Variants in LRP6 observed in about 807,000 individuals in gnomAD.
LRP6 encodes LDL receptor related protein 6.
LRP6 carries 43 observed loss-of-function variants against 184.1 expected under a neutral mutation model. The ratio of observed to expected loss-of-function variants is 0.23; its 90% CI spans 0.18 to 0.30. LRP6 has a LOEUF of 0.30. Ranked by LOEUF, LRP6 falls within the 10% of genes least tolerant of loss-of-function variation. LRP6 has a pLI of 1.00. For missense variants in LRP6, 1,571 were observed against 2,005.3 expected (o/e 0.78, Z 4.14); for synonymous variants, 719 against 684.9 (o/e 1.05, Z -0.78).
intron 7 of LRP6, among the ~76,000 whole-genome samples, chr12:12,171,358 C>T (rs550711951): frequency 2.9e-4 from 44 of 151,936 alleles, no homozygotes; most frequent in East Asian, 1.6e-3. Context: ...CTACTAAAAA[C>T]ACACACACAA....
At chr12:12,239,996 A>G (rs1865021264) in intron 2 of LRP6, among the ~76,000 whole-genome samples, 1 of 140,810 alleles carries the variant, frequency 7.1e-6, no homozygotes, top group Non-Finnish European at 1.5e-5. Flanking sequence ...TAAGATATTA[A>G]AAAAAAAAAA....
rs1044709994 is a variant in LRP6 at position 12,266,964 on chromosome 12, C to G, written c.-229G>C. 1 of 544,204 alleles carries G rather than the reference C, an allele frequency of 1.8e-6. No individual in the cohort carries two copies. Among genetic ancestry groups the G allele is most frequent in the Non-Finnish European group, 3.2e-6 (1 of 312,386 alleles). The allele number at this position is 544,204 out of a possible 1,614,324, so 33.7% of individuals were successfully genotyped here. ...GCGACGCCAGCGTCTGCTTCCATCC[C>G]GCCGCCTCCTCCCCCGGCGCCCCGC... On this transcript the variant is annotated 5_prime_UTR_variant, in exon 1 of 23. Transcript: ENST00000261349.
At chr12:12,138,724 T>C (rs564463464) in intron 15 of LRP6, 190 bp from the exon 16 acceptor site, 3 of 1,400,526 alleles carry the variant, frequency 2.1e-6, no homozygotes, top group East Asian at 2.5e-5. Flanking sequence ...GATATTAATA[T>C]GCAATCAAGA....
chr12:12,177,443 G>C (rs1863219088), intron 7 of LRP6, among the ~76,000 whole-genome samples: 1 of 152,122 alleles, frequency 6.6e-6, no homozygotes. Context: ...ATCAAATCAA[G>C]GGAGATGAAA....
At chr12:12,162,752 T>G (rs906411736) in intron 9 of LRP6, among the ~76,000 whole-genome samples, 38 of 152,184 alleles carry the variant, frequency 2.5e-4, no homozygotes, top group Non-Finnish European at 3.4e-4. Flanking sequence ...CAGATCTTAA[T>G]TAGTGGTCAA....
chr12:12,180,195 C>T (rs990287914), intron 6 of LRP6, among the ~76,000 whole-genome samples: 3 of 148,634 alleles, frequency 2.0e-5, no homozygotes, highest in Admixed American at 2.0e-4. Context: ...TGTTCTAGAG[C>T]CAATCCTGAA....
chr12:12,154,645 G>C (rs1442500716), intron 12 of LRP6, among the ~76,000 whole-genome samples: 1 of 152,142 alleles, frequency 6.6e-6, no homozygotes, highest in Non-Finnish European at 1.5e-5. Flanking sequence ...TGGGAGGACT[G>C]CTTGAGCCCA....
chr12:12,179,364 ATAT>A (rs1863278276), intron 7 of LRP6, among the ~76,000 whole-genome samples: 2 of 7,820 alleles, frequency 2.6e-4, no homozygotes, highest in African/African-American at 4.2e-4. Context: ...GCAATAAAAG[ATAT>A]AGATATAGAT....
At chr12:12,124,162 T>A (rs954388290) in intron 22 of LRP6, among the ~76,000 whole-genome samples, 1 of 151,736 alleles carries the variant, frequency 6.6e-6, no homozygotes, top group Non-Finnish European at 1.5e-5. Flanking sequence ...TCACCTGAGA[T>A]CAGGAGTTCG....
chr12:12,164,127 T>TAA, intron 9 of LRP6, 146 bp downstream of exon 9: 2 of 665,236 alleles, frequency 3.0e-6, no homozygotes, highest in Non-Finnish European at 4.9e-6. Context: ...AAGACACCGT[T>TAA]TAAAAAAAAA....
intron 16 of LRP6, among the ~76,000 whole-genome samples, chr12:12,135,534 C>G (rs1212004817): frequency 6.7e-6 from 1 of 149,532 alleles, no homozygotes; most frequent in Non-Finnish European, 1.5e-5. Flanking sequence ...TGCTCTGTAG[C>G]TCAGGCTGGA....
chr12:12,174,397 C>T (rs1019348306), intron 7 of LRP6, among the ~76,000 whole-genome samples: 1 of 152,134 alleles, frequency 6.6e-6, no homozygotes, highest in African/African-American at 2.4e-5. Flanking sequence ...AGGCGTGAGC[C>T]ACCGTGCCCA....
chr12:12,225,198 G>A (rs998749471), intron 2 of LRP6, among the ~76,000 whole-genome samples: 4 of 152,152 alleles, frequency 2.6e-5, no homozygotes, highest in African/African-American at 9.7e-5. Context: ...GGGCGACAAA[G>A]CGAGACTCCA....
At position 12,266,872 on chromosome 12, in the gene LRP6, G is replaced by A. The variant is rs1346603629; in HGVS notation, c.-137C>T. 3.6e-5 allele frequency: 29 copies of A among 794,820 alleles called. No individual in the cohort carries two copies. In the Admixed American group the frequency reaches 5.4e-4, roughly 15 times the overall value. 49.2% of individuals were successfully genotyped at this position (794,820 alleles called of 1,614,324 possible). On this transcript the variant is annotated 5_prime_UTR_variant, in exon 1 of 23. Coordinates refer to ENST00000261349, the MANE Select transcript of LRP6 (RefSeq NM_002336.3). ...CTTCCCAGCGAGAGAAGAAAGAAAG[G>A]GGCACGTCAAGGTTCCGCGCGCGCC...
chr12:12,138,187 T>G, intron 16 of LRP6, 138 bp downstream of exon 16: 1 of 740,820 alleles, frequency 1.3e-6, no homozygotes, highest in Non-Finnish European at 2.2e-6. Flanking sequence ...AAAAAAAGCA[T>G]GGAGAGTTCA....
intron 2 of LRP6, among the ~76,000 whole-genome samples, chr12:12,204,858 T>G (rs1282334765): frequency 6.7e-6 from 1 of 149,228 alleles, no homozygotes; most frequent in African/African-American, 2.5e-5. Context: ...TCCCAGCTAC[T>G]CGGGAGGCTG....
intron 2 of LRP6, among the ~76,000 whole-genome samples, chr12:12,205,501 C>G (rs1401738951): frequency 1.3e-5 from 2 of 152,114 alleles, no homozygotes; most frequent in African/African-American, 2.4e-5. Flanking sequence ...GATGTCTCCA[C>G]TATTTCATAT....
intron 14 of LRP6, among the ~76,000 whole-genome samples, chr12:12,147,908 G>A (rs1374514316): frequency 1.3e-5 from 2 of 151,940 alleles, no homozygotes; most frequent in Non-Finnish European, 2.9e-5. Context: ...CCAGGAGGCA[G>A]AGGTTGCAGT....
chr12:12,130,246 G>A (rs1949730469), intron 19 of LRP6, among the ~76,000 whole-genome samples: 1 of 151,506 alleles, frequency 6.6e-6, no homozygotes, highest in South Asian at 2.1e-4. Flanking sequence ...GAGTGCAATG[G>A]TGTGATCTCG....
Sources: gnomAD v4.1 joint callset for allele counts (sites outside exome capture counted in the v4.1 genomes callset) on GRCh38, gnomAD v4.1.1 for gene constraint, MANE v1.5 for transcripts, NCBI Gene and HGNC (gene_info 2026-07-23, HGNC 2026-07-21) for gene names.